WDR88: variants seen among roughly 807,000 people sequenced by gnomAD.
WDR88 encodes the protein WD repeat-containing protein 88.
In WDR88, 40 loss-of-function variants were observed where a neutral mutation model predicts 46.8. The observed-to-expected ratio is 0.86, with a 90% CI of 0.66 to 1.11. WDR88 has a LOEUF of 1.11. Among genes scored for constraint, WDR88 ranks in the 50% most tolerant of loss-of-function variants. The pLI is 0.00. For synonymous variants in WDR88, 235 were observed against 240.7 expected, an observed-to-expected ratio of 0.98 and a Z score of 0.22; for missense variants, 562 against 602.4, an observed-to-expected ratio of 0.93 and a Z score of 0.70.
intron 7 of WDR88, 60 bp downstream of exon 7, chr19:33,156,602 A>G: frequency 1.3e-6 from 2 of 1,536,944 alleles, no homozygotes; most frequent in Non-Finnish European, 1.8e-6. Context: ...AGAGTTCTCC[A>G]TGTTCCGTTC....
intron 1 of WDR88, among the ~76,000 whole-genome samples, chr19:33,134,817 A>C: frequency 5.0e-5 from 7 of 140,284 alleles, no homozygotes; most frequent in Admixed American, 7.2e-5. Flanking sequence ...CATCCCCTGC[A>C]TCTCCACCTG....
chr19:33,136,737 ATTTTTAT>A (rs973574369), intron 1 of WDR88, among the ~76,000 whole-genome samples: 28 of 144,010 alleles, frequency 1.9e-4, no homozygotes, highest in African/African-American at 5.7e-4. Context: ...TAATTTATTT[ATTTTTAT>A]TTTTTATTTT....
At position 33,151,190 on chromosome 19, in the gene WDR88, C is replaced by G. The variant is rs760385302; in HGVS notation, c.689C>G (p.Thr230Arg). 3.1e-6 allele frequency: 5 copies of G among 1,613,646 alleles called. No homozygotes were observed. Among genetic ancestry groups the G allele is most frequent in the Middle Eastern group, 1.7e-4 (1 of 6,060 alleles). Residue 230 changes from threonine to arginine, a missense_variant, in exon 6 of 11, where the codon ACA (threonine) becomes AGA (arginine). Transcript: ENST00000355868. ...TTVSVIKDHH[T>R]RSITSCCFDP... ...CCTCCGTGTTCTGCAGATCATCACA[C>G]AAGGTCCATCACGTCATGCTGCTTT...
At chr19:33,159,357 A>C (rs1219397480) in intron 7 of WDR88, among the ~76,000 whole-genome samples, 1 of 150,254 alleles carries the variant, frequency 6.7e-6, no homozygotes, top group Non-Finnish European at 1.5e-5. Flanking sequence ...TAAATAAATA[A>C]ATAAATAAAT....
At chr19:33,147,255 C>T (rs575577668) in intron 3 of WDR88, among the ~76,000 whole-genome samples, 3 of 148,338 alleles carry the variant, frequency 2.0e-5, no homozygotes, top group East Asian at 2.0e-4. Flanking sequence ...AAAGGAAAGG[C>T]GGGGGGCGGG....
chr19:33,156,214 T>C, intron 6 of WDR88, 141 bp from the exon 7 acceptor site: 1 of 740,636 alleles, frequency 1.4e-6, no homozygotes, highest in South Asian at 1.9e-5. Context: ...TAGGTATGTC[T>C]TCAGGTCCTC....
rs551639509 is a variant in WDR88, at chr19:33,146,062, G to A, written c.476+1130G>A. The stretch of plus-strand genomic sequence containing the variant: ...AGGAAAACAGCTGGGAGGCTGAGGC[G>A]GGCGGATCACCTGAGGTCGGGTAGC... On this transcript the variant is annotated intron_variant, in intron 3 of 10. Transcript: ENST00000355868. Among the ~76,000 whole-genome samples, 6 of 152,236 alleles carry A rather than the reference G, an allele frequency of 3.9e-5. No individual in the cohort carries two copies. In the South Asian group the frequency reaches 1.0e-3, roughly 26 times the overall value.
Position 33,175,712 on chromosome 19 carries a change from C to T in WDR88, c.*140C>T. ...GGGCAGGACCCAAGCCCTGGCTGGA[C>T]TCAGCACAGTGCCACCTCCTCAGCT... On this transcript the variant is annotated 3_prime_UTR_variant, in exon 11 of 11. Transcript: ENST00000355868. The T allele has an allele frequency of 1.0e-6, 1 of 953,422 alleles. No individual in the cohort carries two copies. Among genetic ancestry groups the T allele is most frequent in the Non-Finnish European group, 1.6e-6 (1 of 638,992 alleles). 59.1% of individuals were successfully genotyped at this position (953,422 alleles called of 1,614,324 possible). A position where few individuals can be genotyped will look rare whatever the true frequency, so the allele number is the denominator to read the frequency against.
At chr19:33,165,297 G>C (rs1455728090) in intron 9 of WDR88, among the ~76,000 whole-genome samples, 1 of 152,046 alleles carries the variant, frequency 6.6e-6, no homozygotes, top group Non-Finnish European at 1.5e-5. Flanking sequence ...GAGACTGTGG[G>C]AGAGGCGCTG....
At chr19:33,154,695 AT>A in intron 6 of WDR88, among the ~76,000 whole-genome samples, 1 of 152,306 alleles carries the variant, frequency 6.6e-6, no homozygotes, top group African/African-American at 2.4e-5. Context: ...TAGAAGAATG[AT>A]TTATAATCCT....
chr19:33,164,056 A>G (rs572600984), intron 8 of WDR88, 141 bp from the exon 9 acceptor site: 6 of 675,634 alleles, frequency 8.9e-6, no homozygotes, highest in Non-Finnish European at 1.6e-5. Context: ...TGCAGCTTCC[A>G]CCTCCTGGGC....
intron 10 of WDR88, chr19:33,174,262 A>AGCCTGAGGCCAGGCTT (rs1336861665): frequency 6.5e-7 from 1 of 1,535,528 alleles, no homozygotes; most frequent in African/African-American, 1.4e-5. Context: ...CAACATGAGA[A>AGCCTGAGGCCAGGCTT]GCCTGAGGCC....
At chr19:33,162,548 C>T (rs1285474780) in intron 8 of WDR88, among the ~76,000 whole-genome samples, 1 of 151,986 alleles carries the variant, frequency 6.6e-6, no homozygotes, top group African/African-American at 2.4e-5. Context: ...GAAAACACCC[C>T]ACTCCTTCTC....
intron 7 of WDR88, 109 bp downstream of exon 7, chr19:33,156,651 G>A: frequency 7.8e-7 from 1 of 1,289,276 alleles, no homozygotes; most frequent in Non-Finnish European, 1.0e-6. Context: ...TGCTGACAGG[G>A]AGGGCGGATT....
chr19:33,151,857 A>T (rs1017269015), intron 6 of WDR88, among the ~76,000 whole-genome samples: 2 of 151,584 alleles, frequency 1.3e-5, no homozygotes, highest in Non-Finnish European at 2.9e-5. Context: ...CCCAGCCTGG[A>T]CAATGAAGTA....
At chr19:33,139,015 G>A (rs1245547232) in intron 2 of WDR88, among the ~76,000 whole-genome samples, 1 of 152,112 alleles carries the variant, frequency 6.6e-6, no homozygotes, top group Non-Finnish European at 1.5e-5. Flanking sequence ...GGAAGTCCTG[G>A]CTGTGTTTGG....
chr19:33,135,764 A>G (rs775973566), intron 1 of WDR88, among the ~76,000 whole-genome samples: 3 of 152,232 alleles, frequency 2.0e-5, no homozygotes, highest in African/African-American at 7.2e-5. Flanking sequence ...CGTTCCTACC[A>G]GCAATGTAGG....
intron 1 of WDR88, among the ~76,000 whole-genome samples, chr19:33,134,840 AC>A (rs766617576): frequency 0.26 from 16,203 of 62,202 alleles, 1,195 homozygotes; most frequent in South Asian, 0.47. Flanking sequence ...CGTCCCCGAC[AC>A]CCCCCCCCCC....
intron 6 of WDR88, among the ~76,000 whole-genome samples, chr19:33,155,406 G>A (rs1434260641): frequency 6.6e-6 from 1 of 152,174 alleles, no homozygotes; most frequent in East Asian, 1.9e-4. Context: ...CTCCCAAAGT[G>A]CTGGGATTAT....
Sources: gnomAD v4.1 joint callset for allele counts (sites outside exome capture counted in the v4.1 genomes callset) on GRCh38, gnomAD v4.1.1 for gene constraint, MANE v1.5 for transcripts, NCBI Gene and HGNC (gene_info 2026-07-23, HGNC 2026-07-21) for gene names.